The following NEO1 variants were observed in gnomAD, a reference collection of about 807,000 sequenced individuals.
NEO1 encodes the protein neogenin 1.
NEO1 carries 63 observed loss-of-function variants against 159.7 expected under a neutral mutation model. The observed-to-expected ratio is 0.39, with a 90% CI of 0.32 to 0.49. The LOEUF is 0.49. NEO1 is among the 20% of genes least tolerant of loss of function. The pLI is 0.85. For missense variants in NEO1, 1,615 were observed against 1,831.0 expected (o/e 0.88, Z 2.15); for synonymous variants, 633 against 662.0 (o/e 0.96, Z 0.67).
In NEO1 at chr15:73,278,001, G is replaced by A. The variant is rs977204783; in HGVS notation, c.3194-130G>A. The A allele has an allele frequency of 8.7e-6, 6 of 687,216 alleles. No individual in the cohort carries two copies. In the African/African-American group the frequency reaches 1.1e-4, roughly 12 times the overall value. The allele number at this position is 687,216 out of a possible 1,614,324, so 42.6% of individuals were successfully genotyped here. A position where few individuals can be genotyped will look rare whatever the true frequency, so the allele number is the denominator to read the frequency against. On this transcript the variant is annotated intron_variant, in intron 21 of 28. Coordinates refer to ENST00000261908, the MANE Select transcript of NEO1 (RefSeq NM_002499.4). ...GACTATAGATTCCCATGATTTATGTGCTACTTTATTTTCTCATGGACAGAA... is the reference window on the plus strand; with the variant it reads ...GACTATAGATTCCCATGATTTATGTACTACTTTATTTTCTCATGGACAGAA...
At chr15:73,144,050 ATGATT>A (rs10564898) in intron 5 of NEO1, among the ~76,000 whole-genome samples, 106,695 of 151,328 alleles carry the variant, frequency 0.71, 38,687 homozygotes, top group African/African-American at 0.89. Context: ...TGGCACCAGA[ATGATT>A]TGATTTGATT....
At chr15:73,138,946 G>A (rs1259982923) in intron 5 of NEO1, among the ~76,000 whole-genome samples, 1 of 152,048 alleles carries the variant, frequency 6.6e-6, no homozygotes, top group Middle Eastern at 3.2e-3. Flanking sequence ...CTTATAAAAA[G>A]CTGTGCATTG....
At chr15:73,238,292 TTTTTTTTTG>T (rs1291742991) in intron 8 of NEO1, among the ~76,000 whole-genome samples, 4 of 143,406 alleles carry the variant, frequency 2.8e-5, no homozygotes, top group Non-Finnish European at 4.6e-5. Flanking sequence ...TTTTTTTTTT[TTTTTTTTTG>T]AGAGCACTTA....
At chr15:73,257,040 G>A (rs1270725127) in intron 13 of NEO1, among the ~76,000 whole-genome samples, 3 of 141,728 alleles carry the variant, frequency 2.1e-5, no homozygotes, top group Admixed American at 1.6e-4. Flanking sequence ...GCTGAGGTGG[G>A]AGGATCATTT....
chr15:73,118,853 T>G (rs1275191983), intron 2 of NEO1, among the ~76,000 whole-genome samples: 1 of 152,230 alleles, frequency 6.6e-6, no homozygotes, highest in Non-Finnish European at 1.5e-5. Context: ...GTGATTTATT[T>G]AAAGATTTCT....
chr15:73,291,578 A>G (rs1222137812), intron 25 of NEO1, among the ~76,000 whole-genome samples: 2 of 152,076 alleles, frequency 1.3e-5, no homozygotes, highest in Non-Finnish European at 2.9e-5. Context: ...GGGCCCTGGA[A>G]TGCTGCAGGA....
chr15:73,294,518 T>C (rs2151155478), intron 26 of NEO1, among the ~76,000 whole-genome samples: 1 of 152,270 alleles, frequency 6.6e-6, no homozygotes, highest in East Asian at 1.9e-4. Flanking sequence ...CCCCATTCTT[T>C]TAAGTTTTTT....
intron 7 of NEO1, among the ~76,000 whole-genome samples, chr15:73,211,407 C>A (rs2037554410): frequency 6.6e-6 from 1 of 152,132 alleles, no homozygotes; most frequent in African/African-American, 2.4e-5. Context: ...AGACTGAGAT[C>A]AGAGTTTAGG....
chr15:73,264,943 C>T (rs146900208), intron 15 of NEO1, among the ~76,000 whole-genome samples: 2,060 of 152,234 alleles, frequency 0.014, 19 homozygotes, highest in South Asian at 0.017. Context: ...AAATTGTTCA[C>T]GGTGCTGAGG....
intron 18 of NEO1, among the ~76,000 whole-genome samples, chr15:73,272,158 G>A (rs1174452382): frequency 6.6e-6 from 1 of 152,058 alleles, no homozygotes; most frequent in Non-Finnish European, 1.5e-5. Flanking sequence ...CCTGGTATAC[G>A]GTAGGTACTT....
intron 1 of NEO1, among the ~76,000 whole-genome samples, chr15:73,099,295 G>A (rs2070267053): frequency 6.6e-6 from 1 of 152,146 alleles, no homozygotes; most frequent in Admixed American, 6.5e-5. Flanking sequence ...AATGAAATTT[G>A]TCTATGACAG....
At chr15:73,252,560 A>C (rs1333303173) in intron 11 of NEO1, among the ~76,000 whole-genome samples, 1 of 152,220 alleles carries the variant, frequency 6.6e-6, no homozygotes, top group Non-Finnish European at 1.5e-5. Flanking sequence ...AAACCAGCTT[A>C]GAAACTCCAC....
rs75997224 is a variant in NEO1, at chr15:73,145,825, G to A, written c.1015+9798G>A. Among the ~76,000 whole-genome samples the A allele has an allele frequency of 3.2e-4, 49 of 152,162 alleles. No homozygotes were observed. In the East Asian group the frequency reaches 9.1e-3, roughly 28 times the overall value. The stretch of plus-strand genomic sequence containing the variant: ...TGAGGCCTTCTCCCTGTAATTTTCA[G>A]AATACTGGATGTTTACTTATCTTGA... On this transcript the variant is annotated intron_variant, in intron 5 of 28. Transcript: ENST00000261908.
chr15:73,163,371 C>T (rs1428164536), intron 5 of NEO1, among the ~76,000 whole-genome samples: 1 of 152,092 alleles, frequency 6.6e-6, no homozygotes, highest in Non-Finnish European at 1.5e-5. Flanking sequence ...TCCTTTATTG[C>T]CCCTTCCCCA....
rs2067505296 is a variant in NEO1 at position 73,052,641 on chromosome 15, T to G, written c.-35T>G. ...GAAGGAGGCAAGGGCTCCGCGGCGC[T>G]GTCGCCGCCGCTGCCGCTCACTCTC... On this transcript the variant is annotated 5_prime_UTR_variant, in exon 1 of 29. Coordinates refer to ENST00000261908, the MANE Select transcript of NEO1 (RefSeq NM_002499.4). 3 of 1,214,700 alleles carry G rather than the reference T, an allele frequency of 2.5e-6. No homozygotes were observed. The highest frequency in any genetic ancestry group is 1.0e-6 in the Non-Finnish European group (1 of 970,830). 75.2% of individuals were successfully genotyped at this position (1,214,700 alleles called of 1,614,324 possible).
intron 7 of NEO1, among the ~76,000 whole-genome samples, chr15:73,200,837 C>T (rs1438666842): frequency 6.6e-6 from 1 of 151,860 alleles, no homozygotes; most frequent in East Asian, 2.0e-4. Context: ...GTGTGTGCCA[C>T]CATGCCCGGC....
chr15:73,257,994 CT>C (rs1326482879), intron 13 of NEO1, among the ~76,000 whole-genome samples: 3 of 152,198 alleles, frequency 2.0e-5, no homozygotes, highest in African/African-American at 7.2e-5. Context: ...CCTACCAACT[CT>C]TCTCCCCTAC....
At chr15:73,180,162 A>G (rs751926088) in intron 7 of NEO1, among the ~76,000 whole-genome samples, 3 of 152,182 alleles carry the variant, frequency 2.0e-5, no homozygotes, top group Non-Finnish European at 4.4e-5. Flanking sequence ...TATTCAAGTC[A>G]AATACAATCA....
chr15:73,228,932 ATGTGCCTATTCAT>A (rs1338425022), intron 7 of NEO1, among the ~76,000 whole-genome samples: 1 of 152,134 alleles, frequency 6.6e-6, no homozygotes, highest in Non-Finnish European at 1.5e-5. Context: ...TCATTGATCG[ATGTGCCTATTCAT>A]ATGTCTTGAT....
Sources: allele counts gnomAD v4.1 joint callset (sites outside exome capture counted in the v4.1 genomes callset), GRCh38; gene constraint gnomAD v4.1.1; transcripts MANE v1.5; gene names NCBI Gene and HGNC (gene_info 2026-07-23, HGNC 2026-07-21).